Variants in ZBTB7C observed in about 807,000 individuals in gnomAD.
The protein encoded by ZBTB7C is zinc finger and BTB domain-containing protein 7C.
A neutral mutation model predicts 25.7 loss-of-function variants in ZBTB7C; 8 were observed. The ratio of observed to expected loss-of-function variants is 0.31; its 90% CI spans 0.18 to 0.56. The LOEUF (loss-of-function observed/expected upper bound fraction) is 0.56, where lower values mean the gene tolerates loss of function less well. Ranked by LOEUF, ZBTB7C falls within the 20% of genes least tolerant of loss-of-function variation. ZBTB7C has a pLI of 0.91. For missense variants in ZBTB7C, 824 were observed against 855.2 expected (o/e 0.96, Z 0.46); for synonymous variants, 394 against 369.0 (o/e 1.07, Z -0.78).
intron 3 of ZBTB7C, among the ~76,000 whole-genome samples, chr18:48,156,720 C>T (rs1418132461): frequency 6.6e-6 from 1 of 152,214 alleles, no homozygotes; most frequent in African/African-American, 2.4e-5. Flanking sequence ...CATCATTATA[C>T]CTTTTTCTCT....
intron 3 of ZBTB7C, among the ~76,000 whole-genome samples, chr18:48,142,446 T>C (rs1055175014): frequency 1.2e-4 from 18 of 152,150 alleles, no homozygotes; most frequent in African/African-American, 3.6e-4. Context: ...GAAAGTACCC[T>C]GCCAGGCTGG....
At chr18:48,381,737 A>G (rs2145209789) in intron 1 of ZBTB7C, among the ~76,000 whole-genome samples, 1 of 152,372 alleles carries the variant, frequency 6.6e-6, no homozygotes, top group African/African-American at 2.4e-5. Context: ...ACATTGAAGG[A>G]CAGCTAGGAG....
chr18:48,039,766 C>T, intron 4 of ZBTB7C, 134 bp downstream of exon 4: 1 of 910,428 alleles, frequency 1.1e-6, no homozygotes, highest in Non-Finnish European at 1.7e-6. Flanking sequence ...GCCTAGCACC[C>T]CTGCTAGCCA....
At chr18:48,085,451 G>A (rs58647819) in intron 3 of ZBTB7C, among the ~76,000 whole-genome samples, 30,571 of 152,090 alleles carry the variant, frequency 0.2, 4,302 homozygotes, top group African/African-American at 0.4. Context: ...ACAAGGAGTA[G>A]AAGATGTGAA....
Position 48,382,946 on chromosome 18 carries a change from A to G in ZBTB7C, c.-304+26280T>C, listed in dbSNP as rs533586404. 3.3e-5 allele frequency among the ~76,000 whole-genome samples: 5 copies of G among 152,352 alleles called. No individual in the cohort carries two copies. The South Asian group carries it at 1.0e-3, about 32-fold the overall frequency. ...TTGAAAAGTGTAAAAGTGACAGGCA[A>G]CATAAACATTTTGATTGTTGAGTAA... On this transcript the variant is annotated intron_variant, in intron 1 of 4. Transcript: ENST00000590800.
chr18:48,335,105 A>T (rs2144933729), intron 2 of ZBTB7C, among the ~76,000 whole-genome samples: 1 of 152,354 alleles, frequency 6.6e-6, no homozygotes, highest in Admixed American at 6.5e-5. Flanking sequence ...TGTCACCACC[A>T]GGGGCTAAGG....
chr18:48,380,668 G>A (rs569223214), intron 1 of ZBTB7C, among the ~76,000 whole-genome samples: 1 of 152,140 alleles, frequency 6.6e-6, no homozygotes, highest in Non-Finnish European at 1.5e-5. Context: ...AGTCTAAGGA[G>A]ATATGACGAC....
intron 3 of ZBTB7C, among the ~76,000 whole-genome samples, chr18:48,049,564 C>T (rs2036604828): frequency 6.6e-6 from 1 of 152,168 alleles, no homozygotes; most frequent in South Asian, 2.1e-4. Context: ...AGTGGGATGG[C>T]CCCAGCCCTC....
intron 2 of ZBTB7C, among the ~76,000 whole-genome samples, chr18:48,266,248 A>C (rs1336129552): frequency 1.3e-5 from 2 of 152,270 alleles, no homozygotes; most frequent in Admixed American, 6.5e-5. Context: ...CGATCCCACA[A>C]CTCATGCTCT....
intron 3 of ZBTB7C, among the ~76,000 whole-genome samples, chr18:48,088,728 G>A (rs952506899): frequency 6.6e-6 from 1 of 152,156 alleles, no homozygotes; most frequent in African/African-American, 2.4e-5. Context: ...TACTCAGGAG[G>A]CTGAGGCACG....
intron 3 of ZBTB7C, among the ~76,000 whole-genome samples, chr18:48,079,919 C>A (rs2037918000): frequency 6.6e-6 from 1 of 152,216 alleles, no homozygotes; most frequent in Non-Finnish European, 1.5e-5. Flanking sequence ...TGGGCAAGTG[C>A]CCAGGGACTG....
chr18:48,123,863 A>G (rs2039710608), intron 3 of ZBTB7C, among the ~76,000 whole-genome samples: 1 of 151,970 alleles, frequency 6.6e-6, no homozygotes, highest in South Asian at 2.1e-4. Context: ...AAACATGTAT[A>G]TTACGATTTT....
intron 2 of ZBTB7C, among the ~76,000 whole-genome samples, chr18:48,213,515 C>T (rs1209004399): frequency 6.6e-6 from 1 of 152,208 alleles, no homozygotes; most frequent in Non-Finnish European, 1.5e-5. Flanking sequence ...CCTACTGTAT[C>T]CCCATGATAA....
rs559403484 is a variant in ZBTB7C, at chr18:48,379,199, A to G, written c.-304+30027T>C. Among the ~76,000 whole-genome samples, 3 of 152,140 alleles carry G rather than the reference A, an allele frequency of 2.0e-5. No individual in the cohort carries two copies. The East Asian group carries it at 5.8e-4, about 29-fold the overall frequency. On this transcript the variant is annotated intron_variant, in intron 1 of 4. Coordinates refer to ENST00000590800, the MANE Select transcript of ZBTB7C (RefSeq NM_001318841.2). The stretch of plus-strand genomic sequence containing the variant: ...TGTGTGGCCTCTTTCTGGGTTCTCT[A>G]TTCTGTTCTATTGACCTATTTGTCT...
intron 3 of ZBTB7C, among the ~76,000 whole-genome samples, chr18:48,126,364 GC>G (rs1234663963): frequency 6.6e-6 from 1 of 152,146 alleles, no homozygotes; most frequent in East Asian, 1.9e-4. Context: ...CTTGAAGACA[GC>G]CCTGGGCACC....
intron 3 of ZBTB7C, chr18:48,072,435 G>A (rs2037582059): frequency 6.6e-6 from 1 of 152,308 alleles, no homozygotes; most frequent in South Asian, 2.1e-4. Flanking sequence ...GGCCAGGTTG[G>A]CCTCAGGCGC....
intron 3 of ZBTB7C, chr18:48,162,386 C>T (rs1426364510): frequency 1.8e-5 from 8 of 456,668 alleles, no homozygotes; most frequent in South Asian, 1.1e-4. Flanking sequence ...CTCTATGCCT[C>T]AGTTGTTGCA....
intron 1 of ZBTB7C, among the ~76,000 whole-genome samples, chr18:48,356,337 T>G (rs1183437752): frequency 6.6e-6 from 1 of 152,164 alleles, no homozygotes; most frequent in Non-Finnish European, 1.5e-5. Context: ...GCCAGGATGC[T>G]TCAGCGCTCC....
chr18:48,076,180 G>A (rs2037755681), intron 3 of ZBTB7C, among the ~76,000 whole-genome samples: 1 of 152,216 alleles, frequency 6.6e-6, no homozygotes, highest in South Asian at 2.1e-4. Context: ...CCGCTTCTAT[G>A]TTCCTAGTGG....
Sources: gnomAD v4.1 joint callset for allele counts (sites outside exome capture counted in the v4.1 genomes callset) on GRCh38, gnomAD v4.1.1 for gene constraint, MANE v1.5 for transcripts, NCBI Gene and HGNC (gene_info 2026-07-23, HGNC 2026-07-21) for gene names.